WNT11: variants seen among roughly 807,000 people sequenced by gnomAD.
WNT11 encodes the protein Wnt family member 11.
A neutral mutation model predicts 35.6 loss-of-function variants in WNT11; 20 were observed. The ratio of observed to expected loss-of-function variants is 0.56; its 90% CI spans 0.40 to 0.82. WNT11 has a LOEUF of 0.82. Among genes scored for constraint, WNT11 ranks in the 40% least tolerant of loss-of-function variants. The probability of loss-of-function intolerance (pLI) is 0.00; values close to 1 mark genes in which losing one functional copy is unlikely to be tolerated. For synonymous variants in WNT11, 200 were observed against 211.9 expected, an observed-to-expected ratio of 0.94 and a Z score of 0.49; for missense variants, 459 against 504.4, an observed-to-expected ratio of 0.91 and a Z score of 0.86.
At chr11:76,207,157 C>T (rs1953487797), upstream of WNT11, among the ~76,000 whole-genome samples, 3 of 152,168 alleles carry the variant, frequency 2.0e-5, no homozygotes, top group Admixed American at 1.3e-4. Flanking sequence ...AGGTCAGGAG[C>T]TCGAGACCAG....
chr11:76,195,498 G>T (rs918071621), intron 2 of WNT11, among the ~76,000 whole-genome samples: 2 of 152,210 alleles, frequency 1.3e-5, no homozygotes, highest in Non-Finnish European at 2.9e-5. Context: ...AGCTAGGGAC[G>T]GGCCAGGAAG....
chr11:76,200,636 CCTT>C (rs1329479063), intron 1 of WNT11, among the ~76,000 whole-genome samples: 2 of 152,204 alleles, frequency 1.3e-5, no homozygotes, highest in African/African-American at 4.8e-5. Context: ...GCCCCGTCAT[CCTT>C]CTTGGTGAGG....
At chr11:76,199,798 A>C (rs1025220949) in intron 1 of WNT11, among the ~76,000 whole-genome samples, 1 of 152,120 alleles carries the variant, frequency 6.6e-6, no homozygotes, top group Non-Finnish European at 1.5e-5. Context: ...TCAAAAAACA[A>C]AACAAACAAA....
chr11:76,201,600 C>G (rs1188859059), intron 1 of WNT11, among the ~76,000 whole-genome samples: 4 of 152,118 alleles, frequency 2.6e-5, no homozygotes, highest in African/African-American at 9.7e-5. Flanking sequence ...AGGCGAGGCC[C>G]GAGCTCAGGG....
At chr11:76,190,823 G>A (rs1021118379) in intron 4 of WNT11, 1 of 152,348 alleles carries the variant, frequency 6.6e-6, no homozygotes, top group Admixed American at 6.5e-5. Context: ...TCTTTCTCTC[G>A]TAGGAGATCG....
intron 1 of WNT11, among the ~76,000 whole-genome samples, chr11:76,197,692 C>G (rs1357497704): frequency 6.6e-6 from 1 of 152,148 alleles, no homozygotes; most frequent in Non-Finnish European, 1.5e-5. Context: ...GAAACGTTAG[C>G]CTGGTGGGTC....
chr11:76,210,331 C>T (rs1953547913), upstream of WNT11: 6 of 682,930 alleles, frequency 8.8e-6, no homozygotes, highest in Non-Finnish European at 1.1e-5. Context: ...TATGGAGGAG[C>T]GCTTGGTTTG....
chr11:76,208,099 C>T (rs1953501241), upstream of WNT11, among the ~76,000 whole-genome samples: 1 of 152,206 alleles, frequency 6.6e-6, no homozygotes, highest in African/African-American at 2.4e-5. Flanking sequence ...TGTCCCCTTC[C>T]ATAAGAACGA....
At chr11:76,210,445 T>G (rs1953551580), upstream of WNT11, 4 of 985,250 alleles carry the variant, frequency 4.1e-6, no homozygotes, top group Non-Finnish European at 4.8e-6. Context: ...GCTGAGCGGC[T>G]GCCCGCTGCC....
At chr11:76,190,404 C>G (rs1353246327) in intron 4 of WNT11, among the ~76,000 whole-genome samples, 1 of 152,106 alleles carries the variant, frequency 6.6e-6, no homozygotes, top group Non-Finnish European at 1.5e-5. Flanking sequence ...TGACCTGGTT[C>G]CATCTTCCCT....
At chr11:76,196,344 C>T (rs1953285339) in intron 2 of WNT11, 139 bp downstream of exon 2, 1 of 981,656 alleles carries the variant, frequency 1.0e-6, no homozygotes, top group Non-Finnish European at 1.6e-6. Flanking sequence ...CCATCCATGC[C>T]TGTATCCACC....
chr11:76,210,593 C>G (rs1399941510), upstream of WNT11: 1 of 985,162 alleles, frequency 1.0e-6, no homozygotes, highest in Non-Finnish European at 1.2e-6. Flanking sequence ...CGAAGGCGCC[C>G]TCTTCGTGAA....
upstream of WNT11, chr11:76,206,525 G>A (rs1953478252): frequency 3.3e-6 from 4 of 1,230,250 alleles, no homozygotes; most frequent in Non-Finnish European, 4.1e-6. Flanking sequence ...CGGAGGCGGC[G>A]GGTTAAGGCG....
In WNT11 at chr11:76,187,225, G is replaced by A; in HGVS notation, c.905C>T (p.Thr302Ile). The A allele has an allele frequency of 6.2e-7, 1 of 1,603,278 alleles. No homozygotes were observed. ...GTCGCAGCTGTCGCTTCCGTTGGAT[G>A]TCTTGTTGCACTGCCTATTGTGGGG... ...HGTQDRQCNK[T>I]SNGSDSCDLM... The change falls in exon 5 of 5, where the codon ACA becomes ATA. Residue 302 changes from threonine (T) to isoleucine (I), a missense_variant. Physicochemically the swap from Thr to Ile is moderately conservative, Grantham distance 89 (BLOSUM62 -1). Coordinates refer to ENST00000322563, the MANE Select transcript of WNT11 (RefSeq NM_004626.3).
At chr11:76,206,674 C>T (rs1212802008), upstream of WNT11, 4 of 634,424 alleles carry the variant, frequency 6.3e-6, no homozygotes, top group Non-Finnish European at 8.5e-6. Context: ...TAGGCGCGGC[C>T]GAAGGCGTGT....
chr11:76,209,901 C>T (rs889344512), upstream of WNT11, among the ~76,000 whole-genome samples: 64 of 152,002 alleles, frequency 4.2e-4, no homozygotes, highest in Non-Finnish European at 1.5e-5. Context: ...TCCTCCCTAG[C>T]CCCCAGCCTG....
intron 4 of WNT11, 35 bp downstream of exon 4, chr11:76,191,529 T>G: frequency 1.3e-6 from 2 of 1,595,404 alleles, no homozygotes; most frequent in Non-Finnish European, 1.7e-6. Context: ...GCAACACCAG[T>G]GACCCTTTCC....
chr11:76,195,076 C>T (rs1953259893), intron 2 of WNT11: 3 of 536,966 alleles, frequency 5.6e-6, no homozygotes, highest in South Asian at 6.6e-5. Context: ...CCACGTCCTC[C>T]TACTCACACT....
At chr11:76,195,968 C>T (rs532718276) in intron 2 of WNT11, among the ~76,000 whole-genome samples, 39 of 152,250 alleles carry the variant, frequency 2.6e-4, no homozygotes, top group African/African-American at 9.1e-4. Flanking sequence ...CCCCAGACTC[C>T]CCCCACCAGA....
Sources: gnomAD v4.1 joint callset for allele counts (sites outside exome capture counted in the v4.1 genomes callset) on GRCh38, gnomAD v4.1.1 for gene constraint, MANE v1.5 for transcripts, NCBI Gene and HGNC (gene_info 2026-07-23, HGNC 2026-07-21) for gene names.